LPCAT1: variants seen among roughly 807,000 people sequenced by gnomAD.
The protein encoded by LPCAT1 is lysophosphatidylcholine acyltransferase 1, also known as 1-acylglycerol-3-phosphate O-acyltransferase.
In LPCAT1, 23 loss-of-function variants were observed where a neutral mutation model predicts 60.9. The ratio of observed to expected loss-of-function variants is 0.38; its 90% CI spans 0.27 to 0.53. The LOEUF (loss-of-function observed/expected upper bound fraction) is 0.53, where lower values mean the gene tolerates loss of function less well. LPCAT1 is among the 20% of genes least tolerant of loss of function. The pLI is 0.82. For synonymous variants in LPCAT1, 340 were observed against 301.1 expected, an observed-to-expected ratio of 1.13 and a Z score of -1.34; for missense variants, 622 against 723.6, an observed-to-expected ratio of 0.86 and a Z score of 1.61.
chr5:1,475,540 G>A (rs1471621529), intron 9 of LPCAT1, among the ~76,000 whole-genome samples: 1 of 152,240 alleles, frequency 6.6e-6, no homozygotes, highest in Non-Finnish European at 1.5e-5. Flanking sequence ...TCAGAGGCGA[G>A]CCCCATCCCA....
intron 12 of LPCAT1, among the ~76,000 whole-genome samples, chr5:1,470,129 G>A (rs1022492788): frequency 6.6e-6 from 1 of 152,246 alleles, no homozygotes; most frequent in Admixed American, 6.5e-5. Flanking sequence ...TCTGGCTAAT[G>A]TGAGTCACAC....
Position 1,474,074 on chromosome 5 carries a change from T to G in LPCAT1, c.1062A>C (p.Arg354Ser). ...CCTTCATCCTGGCTCTTTCTGAGTA[T>G]CTGTCCAGATCTTTTTCAAGCTTTT... ...KPEKLEKDLDRYSERARMKGG... is the reference protein window; with the variant it reads ...KPEKLEKDLDSYSERARMKGG... Residue 354 changes from arginine (R) to serine (S), a missense_variant, in exon 11 of 14, where the codon AGA becomes AGC. By Grantham distance (110) the Arg-to-Ser change is moderately radical. Around this residue, in one of 3 missense-constraint regions of LPCAT1, gnomAD observed 288 missense variants for 283.6 expected, o/e 1.02. Coordinates refer to ENST00000283415, the MANE Select transcript of LPCAT1 (RefSeq NM_024830.5). 12 of 1,613,736 alleles carry G rather than the reference T, an allele frequency of 7.4e-6. No homozygotes were observed. The highest frequency in any genetic ancestry group is 9.3e-6 in the Non-Finnish European group (11 of 1,179,874).
chr5:1,482,698 G>A (rs542735063), intron 6 of LPCAT1, among the ~76,000 whole-genome samples: 5 of 128,564 alleles, frequency 3.9e-5, no homozygotes, highest in Admixed American at 1.5e-4. Flanking sequence ...GGGGTGGGGT[G>A]TGATGGGCCA....
rs1735747066 is a variant in LPCAT1, at chr5:1,495,329, A to G, written c.279-415T>C. Among the ~76,000 whole-genome samples, 1 of 86,120 alleles carries G rather than the reference A, an allele frequency of 1.2e-5. No homozygotes were observed. Among genetic ancestry groups the G allele is most frequent in the Non-Finnish European group, 2.2e-5 (1 of 45,056 alleles). The allele number at this position is 86,120 out of a possible 152,430, so 56.5% of individuals were successfully genotyped here. ...AAACACCTAAAACGCATATCGCAAT[A>G]TGGGGGGGGGGGCGCTCAGAGCTGA... is the stretch of plus-strand genomic sequence containing the variant. On this transcript the variant is annotated intron_variant, in intron 2 of 13. Coordinates refer to ENST00000283415, the MANE Select transcript of LPCAT1 (RefSeq NM_024830.5). The surrounding 1 kb of genome is among the most constrained non-coding windows in gnomAD (Gnocchi z 4.7).
chr5:1,465,718 C>G (rs1048773205), intron 13 of LPCAT1, among the ~76,000 whole-genome samples: 10 of 152,156 alleles, frequency 6.6e-5, no homozygotes, highest in African/African-American at 2.4e-4. Context: ...AACACACATG[C>G]ACGCTTTCAA....
At position 1,483,277 on chromosome 5, in the gene LPCAT1, T is replaced by C. The variant is rs1230772950; in HGVS notation, c.726+151A>G. 12 of 903,758 alleles carry C rather than the reference T, an allele frequency of 1.3e-5. No individual in the cohort carries two copies. Among genetic ancestry groups the C allele is most frequent in the Non-Finnish European group, 2.0e-5 (11 of 550,038 alleles). 56.0% of individuals were successfully genotyped at this position (903,758 alleles called of 1,614,324 possible). A position where few individuals can be genotyped will look rare whatever the true frequency, so the allele number is the denominator to read the frequency against. On this transcript the variant is annotated intron_variant, in intron 6 of 13. Coordinates refer to ENST00000283415, the MANE Select transcript of LPCAT1 (RefSeq NM_024830.5). This position sits in a 1 kb window ranked among gnomAD's most constrained non-coding sequence, Gnocchi z 9.2. ...GGGCCTGTCCTGCCCTCTCCAGCGC[T>C]GAGGCCGGATGGACTCAGCATGGCC...
At chr5:1,466,424 C>T (rs1381979884) in intron 13 of LPCAT1, among the ~76,000 whole-genome samples, 1 of 152,202 alleles carries the variant, frequency 6.6e-6, no homozygotes, top group Non-Finnish European at 1.5e-5. Context: ...CAGCCAGTGG[C>T]CTCGAGGGCT....
chr5:1,517,453 A>G (rs1736537178), intron 1 of LPCAT1, among the ~76,000 whole-genome samples: 1 of 152,182 alleles, frequency 6.6e-6, no homozygotes, highest in Non-Finnish European at 1.5e-5. Context: ...AAGAGCGGTG[A>G]GACGGAGTGG....
At chr5:1,515,631 C>T (rs1736486171) in intron 1 of LPCAT1, among the ~76,000 whole-genome samples, 1 of 151,900 alleles carries the variant, frequency 6.6e-6, no homozygotes, top group Non-Finnish European at 1.5e-5. Flanking sequence ...CCCCACCTCC[C>T]ACTGCCGCCC....
chr5:1,501,069 G>A (rs975476726), intron 2 of LPCAT1, among the ~76,000 whole-genome samples: 1 of 152,234 alleles, frequency 6.6e-6, no homozygotes, highest in Non-Finnish European at 1.5e-5. Flanking sequence ...GGTGGGAGGG[G>A]TAAGGGGGCT....
At chr5:1,489,984 G>A (rs1222714064) in intron 3 of LPCAT1, 126 bp from the exon 4 acceptor site, 3 of 712,702 alleles carry the variant, frequency 4.2e-6, no homozygotes, top group Non-Finnish European at 7.6e-6. Context: ...CAGGGGCTGT[G>A]CCATGGGTGG....
At chr5:1,506,722 C>T (rs2126602341) in intron 1 of LPCAT1, among the ~76,000 whole-genome samples, 1 of 152,360 alleles carries the variant, frequency 6.6e-6, no homozygotes, top group East Asian at 1.9e-4. Context: ...GGAAAGGGGG[C>T]TGGCAGTGCG....
chr5:1,482,427 C>T (rs989955275), intron 6 of LPCAT1, among the ~76,000 whole-genome samples: 1 of 86,712 alleles, frequency 1.2e-5, no homozygotes, highest in Non-Finnish European at 2.2e-5. Flanking sequence ...GGTGGGGCTG[C>T]GGCCAGGGGC....
rs1434085830 is a variant in LPCAT1, at chr5:1,502,359, T to C, written c.136-756A>G. ...AGAAAGCATACGCCACCCTAGGCAG[T>C]GTTGGTGACAGGGGGAGGTAGCTGG... On this transcript the variant is annotated intron_variant, in intron 1 of 13. Coordinates refer to ENST00000283415, the MANE Select transcript of LPCAT1 (RefSeq NM_024830.5). The surrounding 1 kb of genome is among the most constrained non-coding windows in gnomAD (Gnocchi z 5.5). 6.6e-6 allele frequency among the ~76,000 whole-genome samples: 1 copy of C among 152,034 alleles called. No homozygotes were observed. Among genetic ancestry groups the C allele is most frequent in the Admixed American group, 6.5e-5 (1 of 15,272 alleles).
chr5:1,465,773 C>A lies in LPCAT1; in HGVS notation c.1420+976G>T, dbSNP rs1413301998. Reference sequence around the variant, plus strand: ...ATGTGTACACAAACGTGTGCACACACGGTAAACATGCACACTTTCAATACT... The same window carrying A: ...ATGTGTACACAAACGTGTGCACACAAGGTAAACATGCACACTTTCAATACT... On this transcript the variant is annotated intron_variant, in intron 13 of 13. Coordinates refer to ENST00000283415, the MANE Select transcript of LPCAT1 (RefSeq NM_024830.5). Among the ~76,000 whole-genome samples the A allele has an allele frequency of 2.7e-4, 19 of 70,928 alleles. No homozygotes were observed. The Admixed American group carries it at 2.8e-3, about 10-fold the overall frequency. The allele number at this position is 70,928 out of a possible 152,430, so 46.5% of individuals were successfully genotyped here. A position where few individuals can be genotyped will look rare whatever the true frequency, so the allele number is the denominator to read the frequency against.
rs1736710495 is a variant in LPCAT1 at position 1,522,663 on chromosome 5, G to C, written c.135+1047C>G. 6.6e-6 allele frequency among the ~76,000 whole-genome samples: 1 copy of C among 152,232 alleles called. No homozygotes were observed. Among genetic ancestry groups the C allele is most frequent in the African/African-American group, 2.4e-5 (1 of 41,452 alleles). ...AACTTTTCACTTCAGGGTTCTTTCA[G>C]ATAAAGTACTTTATGCATTAACAAA... On this transcript the variant is annotated intron_variant, in intron 1 of 13. Transcript: ENST00000283415. The surrounding 1 kb of genome is among the most constrained non-coding windows in gnomAD (Gnocchi z 6.8).
intron 8 of LPCAT1, among the ~76,000 whole-genome samples, chr5:1,478,322 T>C (rs1409171402): frequency 1.3e-5 from 2 of 152,280 alleles, no homozygotes; most frequent in Non-Finnish European, 2.9e-5. Flanking sequence ...ACCCCAATTC[T>C]CGCTGTTATT....
intron 2 of LPCAT1, among the ~76,000 whole-genome samples, chr5:1,497,699 T>G (rs1197182707): frequency 6.6e-6 from 1 of 152,220 alleles, no homozygotes; most frequent in Non-Finnish European, 1.5e-5. Flanking sequence ...GCTGCTGGCT[T>G]CTGGGAGACC....
At position 1,487,620 on chromosome 5, in the gene LPCAT1, G is replaced by A. The variant is rs1460938788; in HGVS notation, c.667+771C>T. On this transcript the variant is annotated intron_variant, in intron 5 of 13. Coordinates refer to ENST00000283415, the MANE Select transcript of LPCAT1 (RefSeq NM_024830.5). This position sits in a 1 kb window ranked among gnomAD's most constrained non-coding sequence, Gnocchi z 6.1. ...GTGCGGCCCCAGAGGCACGGCAGCC[G>A]GTGCCAGTGTGAGCGAGGAACTGGC... Among the ~76,000 whole-genome samples, 2 of 152,132 alleles carry A rather than the reference G, an allele frequency of 1.3e-5. No individual in the cohort carries two copies. The highest frequency in any genetic ancestry group is 2.4e-5 in the African/African-American group (1 of 41,434).
Sources: gnomAD v4.1 joint callset for allele counts (sites outside exome capture counted in the v4.1 genomes callset) on GRCh38, gnomAD v4.1.1 for gene constraint, gnomAD v4.1.1 regional missense constraint, Gnocchi (gnomAD v3.1) non-coding constraint, MANE v1.5 for transcripts, NCBI Gene and HGNC (gene_info 2026-07-23, HGNC 2026-07-21) for gene names.